The following MALRD1 variants were observed in gnomAD, a reference collection of about 807,000 sequenced individuals.
MALRD1 encodes MAM and LDL receptor class A domain containing 1.
MALRD1 carries 247 observed loss-of-function variants against 242.1 expected under a neutral mutation model. The ratio of observed to expected loss-of-function variants is 1.02; its 90% CI spans 0.92 to 1.13. The LOEUF is 1.13. Ranked by LOEUF, MALRD1 falls within the 50% of genes most tolerant of loss-of-function variation. The pLI is 0.00. For synonymous variants in MALRD1, 995 were observed against 866.6 expected (o/e 1.15, Z -2.60); for missense variants, 2,989 against 2,533.1 (o/e 1.18, Z -3.86).
At chr10:19,723,137 T>G (rs1285328202) in intron 38 of MALRD1, among the ~76,000 whole-genome samples, 1 of 152,176 alleles carries the variant, frequency 6.6e-6, no homozygotes, top group Non-Finnish European at 1.5e-5. Context: ...GGATATTGTC[T>G]GACATCTTAG....
intron 32 of MALRD1, among the ~76,000 whole-genome samples, chr10:19,556,946 G>A (rs57057385): frequency 0.07 from 10,648 of 152,034 alleles, 1,085 homozygotes; most frequent in African/African-American, 0.22. Context: ...CTATATCCTC[G>A]GGAGTGTTTG....
intron 20 of MALRD1, among the ~76,000 whole-genome samples, chr10:19,280,842 G>A (rs938897128): frequency 2.0e-5 from 3 of 152,182 alleles, no homozygotes; most frequent in Admixed American, 6.5e-5. Flanking sequence ...ATTAATCTGT[G>A]TCTTAATGAG....
At chr10:19,425,195 C>A (rs549044100) in intron 28 of MALRD1, among the ~76,000 whole-genome samples, 1 of 152,262 alleles carries the variant, frequency 6.6e-6, no homozygotes, top group African/African-American at 2.4e-5. Flanking sequence ...GAAGTAAACC[C>A]AAGCCCTTTT....
Position 19,315,585 on chromosome 10 carries a change from T to TATATAAAAA in MALRD1, c.3420-8364_3420-8363insATATAAAAA, listed in dbSNP as rs1187248291. On this transcript the variant is annotated intron_variant, in intron 21 of 39. Transcript: ENST00000454679. ...TTTATATAAATATATAAATTATAAA[T>TATATAAAAA]TATAAATATTTATATAAATTATAAA... Among the ~76,000 whole-genome samples, 226 of 57,982 alleles carry TATATAAAAA rather than the reference T, an allele frequency of 3.9e-3. 21 individuals carry two copies. The highest frequency in any genetic ancestry group is 5.0e-3 in the Non-Finnish European group (175 of 35,094). The allele number at this position is 57,982 out of a possible 152,430, so 38.0% of individuals were successfully genotyped here.
At chr10:19,061,310 T>C (rs554152536) in intron 1 of MALRD1, among the ~76,000 whole-genome samples, 1 of 152,310 alleles carries the variant, frequency 6.6e-6, no homozygotes, top group Admixed American at 6.5e-5. Context: ...ATATTCTGTG[T>C]CCATAGATTG....
At chr10:19,625,701 G>A (rs986997072) in intron 36 of MALRD1, among the ~76,000 whole-genome samples, 2 of 152,060 alleles carry the variant, frequency 1.3e-5, no homozygotes, top group African/African-American at 4.8e-5. Flanking sequence ...TTAAAAGGGG[G>A]TACTGCACTT....
At chr10:19,063,153 A>C (rs11596472) in intron 1 of MALRD1, among the ~76,000 whole-genome samples, 316 of 151,816 alleles carry the variant, frequency 2.1e-3, no homozygotes, top group Non-Finnish European at 2.6e-3. Flanking sequence ...CCCCCCCCCA[A>C]AAAAAAAGTT....
Position 19,734,302 on chromosome 10 carries a change from G to T in MALRD1, c.*65G>T. 1 of 1,268,138 alleles carries T rather than the reference G, an allele frequency of 7.9e-7. No individual in the cohort carries two copies. The highest frequency in any genetic ancestry group is 1.3e-5 in the South Asian group (1 of 75,558). The allele number at this position is 1,268,138 out of a possible 1,614,324, so 78.6% of individuals were successfully genotyped here. ...TAGAAAATTGAAGTCTCCACAATCT[G>T]ATAGAAACTCATCTTCTACAATGGT... On this transcript the variant is annotated 3_prime_UTR_variant, in exon 40 of 40. Transcript: ENST00000454679.
At chr10:19,270,993 AATG>A (rs1327023348) in intron 19 of MALRD1, among the ~76,000 whole-genome samples, 1 of 152,170 alleles carries the variant, frequency 6.6e-6, no homozygotes, top group Non-Finnish European at 1.5e-5. Flanking sequence ...TAAATATACG[AATG>A]AATGGCAAGT....
chr10:19,248,009 A>G (rs564688660), intron 18 of MALRD1, among the ~76,000 whole-genome samples: 2 of 152,180 alleles, frequency 1.3e-5, no homozygotes, highest in Admixed American at 6.6e-5. Flanking sequence ...GTTAGAGCTC[A>G]GCATTTGCCT....
chr10:19,156,555 G>C (rs1834155213), intron 12 of MALRD1, among the ~76,000 whole-genome samples: 1 of 146,962 alleles, frequency 6.8e-6, no homozygotes, highest in South Asian at 2.3e-4. Flanking sequence ...ATACATTAAA[G>C]TGATGAGATC....
chr10:19,104,785 G>T (rs896406635), intron 5 of MALRD1, among the ~76,000 whole-genome samples: 4 of 152,022 alleles, frequency 2.6e-5, no homozygotes, highest in Non-Finnish European at 5.9e-5. Context: ...CAAAGATATA[G>T]TTGTTGTGGT....
chr10:19,251,831 G>A (rs965682683), intron 18 of MALRD1, among the ~76,000 whole-genome samples: 1 of 151,902 alleles, frequency 6.6e-6, no homozygotes, highest in African/African-American at 2.4e-5. Flanking sequence ...TCATAGGGGC[G>A]AATTTCCCCT....
intron 12 of MALRD1, among the ~76,000 whole-genome samples, chr10:19,163,598 C>T (rs1017787185): frequency 1.3e-5 from 2 of 152,052 alleles, no homozygotes; most frequent in Admixed American, 6.6e-5. Context: ...AACAAGTCCC[C>T]GTGACACGTG....
intron 9 of MALRD1, among the ~76,000 whole-genome samples, chr10:19,134,777 A>G (rs774026894): frequency 1.3e-5 from 2 of 152,182 alleles, no homozygotes; most frequent in Admixed American, 1.3e-4. Context: ...TTTAACTCAA[A>G]GATAAAACAA....
At chr10:19,637,822 C>T (rs1840204531) in intron 36 of MALRD1, among the ~76,000 whole-genome samples, 1 of 151,952 alleles carries the variant, frequency 6.6e-6, no homozygotes, top group South Asian at 2.1e-4. Context: ...TTCGGTAAGC[C>T]AGATACGGTG....
chr10:19,218,947 T>C (rs1455842308), intron 18 of MALRD1, among the ~76,000 whole-genome samples: 6 of 152,156 alleles, frequency 3.9e-5, no homozygotes, highest in Admixed American at 1.3e-4. Flanking sequence ...ATAAACCATT[T>C]TTCTAATAAG....
chr10:19,678,452 A>G (rs146805384), intron 36 of MALRD1, among the ~76,000 whole-genome samples: 1,657 of 152,226 alleles, frequency 0.011, 16 homozygotes, highest in Non-Finnish European at 0.014. Context: ...GAGTCCATTC[A>G]TGATTTGGCT....
intron 34 of MALRD1, among the ~76,000 whole-genome samples, chr10:19,607,535 T>G (rs1205927756): frequency 6.6e-6 from 1 of 152,132 alleles, no homozygotes; most frequent in African/African-American, 2.4e-5. Flanking sequence ...GAGGACACAA[T>G]TCAGTCCCTA....
Sources: allele counts gnomAD v4.1 joint callset (sites outside exome capture counted in the v4.1 genomes callset), GRCh38; gene constraint gnomAD v4.1.1; transcripts MANE v1.5; gene names NCBI Gene and HGNC (gene_info 2026-07-23, HGNC 2026-07-21).